Variants in VILL observed in about 807,000 individuals in gnomAD.
VILL encodes the protein villin-like protein.
A neutral mutation model predicts 106.3 loss-of-function variants in VILL; 102 were observed. The ratio of observed to expected loss-of-function variants is 0.96; its 90% CI spans 0.82 to 1.13. The LOEUF (loss-of-function observed/expected upper bound fraction) is 1.13. VILL is among the 50% of genes most tolerant of loss of function. The pLI is 0.00. For missense variants in VILL, 1,076 were observed against 1,116.6 expected (o/e 0.96, Z 0.52); for synonymous variants, 431 against 440.3 (o/e 0.98, Z 0.27).
upstream of VILL, among the ~76,000 whole-genome samples, chr3:37,990,534 A>C (rs1008252033): frequency 9.2e-5 from 14 of 152,316 alleles, no homozygotes; most frequent in East Asian, 2.5e-3. The surrounding 1 kb of genome is among the most constrained non-coding windows in gnomAD (Gnocchi z 5.1). Context: ...AGCCCAGTCC[A>C]GGCCTCCATC....
chr3:37,992,370 C>T (rs1699622687), intron 1 of VILL, among the ~76,000 whole-genome samples: 1 of 152,174 alleles, frequency 6.6e-6, no homozygotes, highest in African/African-American at 2.4e-5. Flanking sequence ...ACTATGTCTG[C>T]CTGTCACTCA....
At chr3:38,006,811 C>A in intron 19 of VILL, 111 bp downstream of exon 19, 1 of 1,530,268 alleles carries the variant, frequency 6.5e-7, no homozygotes, top group South Asian at 1.3e-5. Context: ...GGAGATGTGT[C>A]TTCTAGCTGG....
Position 38,006,498 on chromosome 3 carries a change from G to C in VILL, c.2255G>C (p.Gly752Ala), listed in dbSNP as rs756330449. The part of the protein sequence containing the change: ...LSRWPGNGRA[G>A]AVALQALKGS... The stretch of plus-strand genomic sequence containing the variant: ...AGATGGCCGGGCAATGGCAGGGCAG[G>C]TGCCGTGGCCCTGCAGGCCCTCAAG... Residue 752 changes from glycine (G) to alanine (A), a missense_variant, in exon 19 of 20, where the codon GGT (glycine) becomes GCT (alanine). By Grantham distance (60) the Gly-to-Ala change is moderately conservative. Transcript: ENST00000383759. 1 of 1,609,664 alleles carries C rather than the reference G, an allele frequency of 6.2e-7. No homozygotes were observed. The highest frequency in any genetic ancestry group is 8.5e-7 in the Non-Finnish European group (1 of 1,176,608).
chr3:38,007,059 C>G lies in VILL; in HGVS notation c.*4C>G. 1 of 1,613,054 alleles carries G rather than the reference C, an allele frequency of 6.2e-7. No individual in the cohort carries two copies. The highest frequency in any genetic ancestry group is 8.5e-7 in the Non-Finnish European group (1 of 1,179,144). On this transcript the variant is annotated 3_prime_UTR_variant, in exon 20 of 20. Transcript: ENST00000383759. Reference sequence around the variant, plus strand: ...AAAGCAGCTGGGCTTCTTCTGAACCCAAGCCCTCTCGACTGCCCCTATCCC... The same window carrying G: ...AAAGCAGCTGGGCTTCTTCTGAACCGAAGCCCTCTCGACTGCCCCTATCCC...
At chr3:37,993,843 C>T in intron 2 of VILL, 55 bp from the exon 3 acceptor site, 3 of 1,606,498 alleles carry the variant, frequency 1.9e-6, no homozygotes, top group South Asian at 1.1e-5. Context: ...CCCACCCCAG[C>T]GGGTGTCATG....
At chr3:37,996,296 C>T (rs1190909683) in intron 5 of VILL, among the ~76,000 whole-genome samples, 1 of 152,188 alleles carries the variant, frequency 6.6e-6, no homozygotes, top group Non-Finnish European at 1.5e-5. Context: ...CACTCTCTCA[C>T]ACACATTGTC....
chr3:38,001,982 C>CTGCTTAT, intron 13 of VILL, 122 bp downstream of exon 13: 1 of 1,489,368 alleles, frequency 6.7e-7, no homozygotes, highest in Non-Finnish European at 9.1e-7. Context: ...CCCTAGTTTC[C>CTGCTTAT]CAGAGCTTGT....
At position 37,999,021 on chromosome 3, in the gene VILL, G is replaced by A. The variant is rs761801263; in HGVS notation, c.1052G>A (p.Arg351Gln). ...CTCTTCCGGACTTGGTCTGAGAAGC[G>A]GCGCAGGAACCAGAAGCTCGGCGGG... is the stretch of plus-strand genomic sequence containing the variant. ...KQLFRTWSEK[R>Q]RRNQKLGGRD... The change falls in exon 10 of 20, where the codon CGG becomes CAG. Residue 351 changes from arginine to glutamine, a missense_variant. Physicochemically the swap from Arg to Gln is conservative, Grantham distance 43. Coordinates refer to ENST00000383759, the MANE Select transcript of VILL (RefSeq NM_015873.4). 8.8e-6 allele frequency: 14 copies of A among 1,598,816 alleles called. No individual in the cohort carries two copies. The highest frequency in any genetic ancestry group is 1.0e-5 in the Non-Finnish European group (12 of 1,171,792).
Position 37,998,418 on chromosome 3 carries a change from T to TG in VILL, c.942+58dup, listed in dbSNP as rs1198164046. On this transcript the variant is annotated intron_variant, in intron 9 of 19. Transcript: ENST00000383759. This position sits in a 1 kb window ranked among gnomAD's most constrained non-coding sequence, Gnocchi z 4.1. Reference sequence around the variant, plus strand: ...ACAGAGCACTGCCCTGGGGTCTGAGTGGGGAGGCAGCTCCGCCCCAGGGTC... The same window carrying TG: ...ACAGAGCACTGCCCTGGGGTCTGAGTGGGGGAGGCAGCTCCGCCCCAGGGTC... 1 of 1,546,588 alleles carries TG rather than the reference T, an allele frequency of 6.5e-7. No individual in the cohort carries two copies. The highest frequency in any genetic ancestry group is 8.9e-7 in the Non-Finnish European group (1 of 1,121,236).
At chr3:38,002,724 C>T (rs1699842311) in intron 14 of VILL, 149 bp downstream of exon 14, 1 of 958,398 alleles carries the variant, frequency 1.0e-6, no homozygotes, top group African/African-American at 1.7e-5. Context: ...ACAGGGTCCC[C>T]TCTAGAACTT....
rs560902845 is a variant in VILL at position 37,992,400 on chromosome 3, G to C, written c.-86-1187G>C. 3.3e-5 allele frequency among the ~76,000 whole-genome samples: 5 copies of C among 152,246 alleles called. No individual in the cohort carries two copies. The South Asian group carries it at 1.0e-3, about 32-fold the overall frequency. ...CACTCATGTCATTGTCACACCAACAGGCCATCAACTGTGGCAACAGTTCTT... is the reference window on the plus strand; with the variant it reads ...CACTCATGTCATTGTCACACCAACACGCCATCAACTGTGGCAACAGTTCTT... On this transcript the variant is annotated intron_variant, in intron 1 of 19. Coordinates refer to ENST00000383759, the MANE Select transcript of VILL (RefSeq NM_015873.4).
intron 18 of VILL, 39 bp from the exon 19 acceptor site, chr3:38,006,409 AT>A (rs1351035197): frequency 6.3e-7 from 1 of 1,579,750 alleles, no homozygotes; most frequent in Non-Finnish European, 8.6e-7. Flanking sequence ...TGGGCTACTG[AT>A]TCCCCATCTT....
At chr3:38,003,336 G>T (rs745338786) in intron 15 of VILL, 23 bp downstream of exon 15, 2 of 1,582,012 alleles carry the variant, frequency 1.3e-6, no homozygotes, top group South Asian at 1.1e-5. Context: ...GGAGGAGAGT[G>T]TTCTTACCCA....
upstream of VILL, among the ~76,000 whole-genome samples, chr3:37,990,385 G>T (rs1182945976): frequency 6.6e-6 from 1 of 152,180 alleles, no homozygotes; most frequent in Non-Finnish European, 1.5e-5. This position sits in a 1 kb window ranked among gnomAD's most constrained non-coding sequence, Gnocchi z 5.1. Context: ...CCCAGCCTTG[G>T]TCCTACTTCC....
At chr3:37,989,421 G>T (rs1332475663), upstream of VILL, among the ~76,000 whole-genome samples, 1 of 152,178 alleles carries the variant, frequency 6.6e-6, no homozygotes, top group Non-Finnish European at 1.5e-5. Context: ...AAACAAACAG[G>T]AGTGAAGGCC....
At position 37,998,500 on chromosome 3, in the gene VILL, C is replaced by G. The variant is rs1699749358; in HGVS notation, c.942+136C>G. On this transcript the variant is annotated intron_variant, in intron 9 of 19. Transcript: ENST00000383759. The surrounding 1 kb of genome is among the most constrained non-coding windows in gnomAD (Gnocchi z 4.1). ...GAGTTGGGAAATCCTATGCTGGAGTCTTAAAGGGGAGGTAGCCCTGCCCTG... is the reference window on the plus strand; with the variant it reads ...GAGTTGGGAAATCCTATGCTGGAGTGTTAAAGGGGAGGTAGCCCTGCCCTG... 1 of 798,582 alleles carries G rather than the reference C, an allele frequency of 1.3e-6. No homozygotes were observed. Among genetic ancestry groups the G allele is most frequent in the Non-Finnish European group, 2.0e-6 (1 of 507,392 alleles). The allele number at this position is 798,582 out of a possible 1,614,324, so 49.5% of individuals were successfully genotyped here.
chr3:38,001,879 C>T lies in VILL; in HGVS notation c.1479+19C>T, dbSNP rs1345205685. The T allele has an allele frequency of 3.1e-6, 5 of 1,614,124 alleles. No individual in the cohort carries two copies. Among genetic ancestry groups the T allele is most frequent in the Non-Finnish European group, 4.2e-6 (5 of 1,180,020 alleles). ...CTTCCAGGTAGGTCTCACCTTGCCA[C>T]TCTGGCCACAGCCTGCCCAGTTCTG... is the stretch of plus-strand genomic sequence containing the variant. On this transcript the variant is annotated intron_variant, in intron 13 of 19. Transcript: ENST00000383759.
Position 37,997,515 on chromosome 3 carries a change from G to C in VILL, c.594G>C (p.Arg198Ser). ...GLALTYSLRD[R>S]ERGGGRAQIG... ...CTTTGACCTACAGCCTCCGGGACAG[G>C]GAACGTGGTGGTGGTCGTGCACAGA... Residue 198 changes from arginine (R) to serine (S), a missense_variant, in exon 7 of 20, where the codon AGG (arginine) becomes AGC (serine). Physicochemically the swap from Arg to Ser is moderately radical, Grantham distance 110. Transcript: ENST00000383759. The surrounding 1 kb of genome is among the most constrained non-coding windows in gnomAD (Gnocchi z 4.7). 1 of 1,614,064 alleles carries C rather than the reference G, an allele frequency of 6.2e-7. No homozygotes were observed. The highest frequency in any genetic ancestry group is 8.5e-7 in the Non-Finnish European group (1 of 1,180,022).
At chr3:38,003,378 G>A (rs1575339540) in intron 15 of VILL, 65 bp downstream of exon 15, 1 of 1,492,884 alleles carries the variant, frequency 6.7e-7, no homozygotes, top group East Asian at 2.4e-5. Context: ...GAGGAGGGTG[G>A]GTGACTGGGA....
Sources: allele counts gnomAD v4.1 joint callset (sites outside exome capture counted in the v4.1 genomes callset), GRCh38; gene constraint gnomAD v4.1.1; non-coding constraint Gnocchi (gnomAD v3.1); transcripts MANE v1.5; gene names NCBI Gene and HGNC (gene_info 2026-07-23, HGNC 2026-07-21).